Variants in VWC2L observed in about 807,000 individuals in gnomAD.
VWC2L encodes von Willebrand factor C domain-containing protein 2-like.
Under a neutral mutation model 21.6 loss-of-function variants are expected in VWC2L, and 10 were observed. The observed-to-expected ratio is 0.46, with a 90% CI of 0.29 to 0.78. The LOEUF is 0.78. Ranked by LOEUF, VWC2L falls within the 30% of genes least tolerant of loss-of-function variation. The pLI, the probability that VWC2L is intolerant of heterozygous loss-of-function variation, is 0.10. For missense variants in VWC2L, 209 were observed against 277.1 expected (o/e 0.75, Z 1.74); for synonymous variants, 96 against 94.3 (o/e 1.02, Z -0.10).
At chr2:214,549,528 A>C (rs970892268) in intron 3 of VWC2L, among the ~76,000 whole-genome samples, 2 of 152,238 alleles carry the variant, frequency 1.3e-5, no homozygotes, top group Non-Finnish European at 2.9e-5. Flanking sequence ...TAATCCCAGC[A>C]CTTTGGGACG....
chr2:214,556,177 T>C (rs1689870077), intron 3 of VWC2L, among the ~76,000 whole-genome samples: 1 of 152,178 alleles, frequency 6.6e-6, no homozygotes, highest in African/African-American at 2.4e-5. Flanking sequence ...GGAGAATCAC[T>C]TGAACTTGGG....
At chr2:214,414,696 A>T (rs561706774) in intron 2 of VWC2L, 113 bp downstream of exon 2, 2 of 1,197,842 alleles carry the variant, frequency 1.7e-6, no homozygotes, top group African/African-American at 3.1e-5. Context: ...TTCCCTTTAA[A>T]TTATACAATT....
chr2:214,576,019 A>G lies in VWC2L; in HGVS notation c.*199A>G. 1 of 387,290 alleles carries G rather than the reference A, an allele frequency of 2.6e-6. No individual in the cohort carries two copies. The highest frequency in any genetic ancestry group is 4.4e-6 in the Non-Finnish European group (1 of 225,030). 24.0% of individuals were successfully genotyped at this position (387,290 alleles called of 1,614,324 possible). A position where few individuals can be genotyped will look rare whatever the true frequency, so the allele number is the denominator to read the frequency against. The stretch of plus-strand genomic sequence containing the variant: ...TCTTGCTATATAAAATATATATAGT[A>G]TATAGCTATCTAAATCGCTTTTGTA... On this transcript the variant is annotated 3_prime_UTR_variant, in exon 4 of 4. Coordinates refer to ENST00000312504, the MANE Select transcript of VWC2L (RefSeq NM_001080500.4).
At chr2:214,538,344 G>A (rs1327649941) in intron 3 of VWC2L, among the ~76,000 whole-genome samples, 1 of 152,050 alleles carries the variant, frequency 6.6e-6, no homozygotes, top group African/African-American at 2.4e-5. Flanking sequence ...GCTTGTATGA[G>A]TAGAAAATCA....
chr2:214,482,823 T>C (rs1688626354), intron 3 of VWC2L, among the ~76,000 whole-genome samples: 1 of 152,172 alleles, frequency 6.6e-6, no homozygotes, highest in Admixed American at 6.5e-5. Context: ...ATAGCCAGTT[T>C]GATGTTTGAA....
intron 3 of VWC2L, among the ~76,000 whole-genome samples, chr2:214,497,788 C>T (rs1246926992): frequency 6.6e-6 from 1 of 152,206 alleles, no homozygotes; most frequent in African/African-American, 2.4e-5. Flanking sequence ...ATATTCATAA[C>T]AAACTTCTTC....
intron 3 of VWC2L, among the ~76,000 whole-genome samples, chr2:214,464,142 T>C (rs1169444511): frequency 2.0e-5 from 3 of 152,182 alleles, no homozygotes; most frequent in Non-Finnish European, 4.4e-5. Flanking sequence ...CACTCTGAGA[T>C]TGGTCACTGG....
At chr2:214,528,602 T>TA (rs1200800299) in intron 3 of VWC2L, among the ~76,000 whole-genome samples, 3 of 152,110 alleles carry the variant, frequency 2.0e-5, no homozygotes, top group African/African-American at 7.2e-5. Context: ...CTTTTTTTTT[T>TA]ATAGTCTGCT....
chr2:214,528,631 A>G (rs1689381086), intron 3 of VWC2L, among the ~76,000 whole-genome samples: 1 of 152,112 alleles, frequency 6.6e-6, no homozygotes, highest in Non-Finnish European at 1.5e-5. Context: ...GGAACCCAGA[A>G]TGAACCATTT....
intron 3 of VWC2L, among the ~76,000 whole-genome samples, chr2:214,508,849 T>G (rs1051998044): frequency 3.3e-5 from 5 of 152,172 alleles, no homozygotes; most frequent in Admixed American, 3.3e-4. Context: ...TTAATCTGAG[T>G]TTTACTGTGG....
intron 3 of VWC2L, among the ~76,000 whole-genome samples, chr2:214,438,945 T>C (rs1287298171): frequency 1.3e-5 from 2 of 152,072 alleles, no homozygotes; most frequent in Non-Finnish European, 2.9e-5. Flanking sequence ...CTGTTCCCTC[T>C]TGGTACTTCC....
intron 2 of VWC2L, chr2:214,415,353 A>G (rs1423665930): frequency 1.3e-5 from 2 of 152,166 alleles, no homozygotes; most frequent in Non-Finnish European, 2.9e-5. Context: ...CCTGATCTGA[A>G]CCCTGAAGGT....
chr2:214,418,205 A>G (rs1236361313), intron 2 of VWC2L, among the ~76,000 whole-genome samples: 1 of 152,204 alleles, frequency 6.6e-6, no homozygotes, highest in Admixed American at 6.5e-5. Context: ...ACGGCCTGCT[A>G]TACACACCAT....
intron 2 of VWC2L, among the ~76,000 whole-genome samples, chr2:214,426,487 G>A (rs924530632): frequency 6.6e-6 from 1 of 152,176 alleles, no homozygotes; most frequent in Non-Finnish European, 1.5e-5. Flanking sequence ...AACAAAACTA[G>A]ATTTGTGCCT....
intron 3 of VWC2L, among the ~76,000 whole-genome samples, chr2:214,571,159 A>T (rs1690143771): frequency 6.6e-6 from 1 of 152,204 alleles, no homozygotes; most frequent in Non-Finnish European, 1.5e-5. Context: ...AAAACCAACT[A>T]GACTTCTAAA....
At chr2:214,523,185 C>A (rs146664963) in intron 3 of VWC2L, among the ~76,000 whole-genome samples, 2 of 152,328 alleles carry the variant, frequency 1.3e-5, no homozygotes, top group African/African-American at 2.4e-5. Flanking sequence ...TAACTCCAGT[C>A]TCTGCTAATT....
chr2:214,438,498 T>C (rs1702715225), intron 3 of VWC2L, among the ~76,000 whole-genome samples: 1 of 152,048 alleles, frequency 6.6e-6, no homozygotes, highest in Non-Finnish European at 1.5e-5. Context: ...TAGCTTTGTC[T>C]CACAATTATG....
chr2:214,520,772 G>A (rs1689225022), intron 3 of VWC2L, among the ~76,000 whole-genome samples: 2 of 152,022 alleles, frequency 1.3e-5, no homozygotes, highest in Admixed American at 6.6e-5. Context: ...AACTACATAT[G>A]CGATATGATC....
chr2:214,444,902 C>CAT (rs1396352478), intron 3 of VWC2L, among the ~76,000 whole-genome samples: 2 of 151,796 alleles, frequency 1.3e-5, no homozygotes, highest in African/African-American at 4.8e-5. Flanking sequence ...AAAATCAAAT[C>CAT]ATAACGGTAT....
Sources: gnomAD v4.1 joint callset for allele counts (sites outside exome capture counted in the v4.1 genomes callset) on GRCh38, gnomAD v4.1.1 for gene constraint, MANE v1.5 for transcripts, NCBI Gene and HGNC (gene_info 2026-07-23, HGNC 2026-07-21) for gene names.